The following DACH2 variants were observed in gnomAD, a reference collection of about 807,000 sequenced individuals.
DACH2 encodes the protein dachshund family transcription factor 2.
Under a neutral mutation model 35.8 loss-of-function variants are expected in DACH2, and 17 were observed. The observed-to-expected ratio is 0.48, with a 90% CI of 0.33 to 0.71. The LOEUF (loss-of-function observed/expected upper bound fraction) is 0.71. Among genes scored for constraint, DACH2 ranks in the 30% least tolerant of loss-of-function variants. The pLI is 0.02. For missense variants in DACH2, 469 were observed against 472.7 expected (o/e 0.99, Z 0.07); for synonymous variants, 195 against 177.3 (o/e 1.10, Z -0.79).
chrX:86,234,646 C>G (rs2147936323), intron 1 of DACH2, among the ~76,000 whole-genome samples: 1 of 107,166 alleles, frequency 9.3e-6, no homozygotes, highest in East Asian at 3.0e-4. Flanking sequence ...CAGAGTCTTG[C>G]TCTACCACCC....
rs139487274 is a variant in DACH2 at position 86,204,571 on chromosome X, G to A, written c.488+55463G>A. Among the ~76,000 whole-genome samples, 324 of 111,616 alleles carry A rather than the reference G, an allele frequency of 2.9e-3. 1 individual carries two copies. Among genetic ancestry groups the A allele is most frequent in the African/African-American group, 0.01 (310 of 30,787 alleles). On this transcript the variant is annotated intron_variant, in intron 1 of 11. Coordinates refer to ENST00000373125, the MANE Select transcript of DACH2 (RefSeq NM_053281.3). Reference sequence around the variant, plus strand: ...AAATAGACCTTTGTGAGCTGGCCTAGGGATATTACATTTAGAATGAGTTGC... The same window carrying A: ...AAATAGACCTTTGTGAGCTGGCCTAAGGATATTACATTTAGAATGAGTTGC...
At chrX:86,524,421 A>G (rs1319454542) in intron 3 of DACH2, among the ~76,000 whole-genome samples, 3 of 112,242 alleles carry the variant, frequency 2.7e-5, no homozygotes, top group Non-Finnish European at 5.6e-5. Context: ...TAAACAGCAT[A>G]TGGTGTTTTT....
intron 10 of DACH2, among the ~76,000 whole-genome samples, 162 bp downstream of exon 10, chrX:86,814,996 G>A (rs1231133891): frequency 8.9e-6 from 1 of 111,932 alleles, no homozygotes; most frequent in Non-Finnish European, 1.9e-5. Context: ...TCAATTTGAG[G>A]CCAAGTGTTT....
intron 3 of DACH2, among the ~76,000 whole-genome samples, chrX:86,587,904 T>C (rs1274187938): frequency 8.9e-6 from 1 of 112,133 alleles, no homozygotes; most frequent in Admixed American, 9.5e-5. Context: ...TTGTTTTTCT[T>C]GAAATTGCTT....
At chrX:86,247,016 C>A (rs766733795) in intron 1 of DACH2, among the ~76,000 whole-genome samples, 1 of 111,529 alleles carries the variant, frequency 9.0e-6, no homozygotes, top group African/African-American at 3.3e-5. Flanking sequence ...AAAATAAAAG[C>A]ATGGGTTGCT....
chrX:86,733,327 T>C (rs1052586964), intron 6 of DACH2, among the ~76,000 whole-genome samples: 3 of 111,798 alleles, frequency 2.7e-5, no homozygotes, highest in Non-Finnish European at 5.7e-5. Context: ...AACAAATGTT[T>C]CTTGTTGTTT....
chrX:86,550,980 G>C, intron 3 of DACH2, among the ~76,000 whole-genome samples: 1 of 111,843 alleles, frequency 8.9e-6, no homozygotes, highest in East Asian at 2.8e-4. Context: ...GAAATGAAAG[G>C]TTTGTTCCTC....
Position 86,467,271 on chromosome X carries a change from C to T in DACH2, c.528-47008C>T, listed in dbSNP as rs1457763647. ...TACCCTAAATAATCTCTCTCAAGTT[C>T]ACAGTTCCACAGATATCTAGGGCAG... On this transcript the variant is annotated intron_variant, in intron 2 of 11. Coordinates refer to ENST00000373125, the MANE Select transcript of DACH2 (RefSeq NM_053281.3). 3.6e-5 allele frequency among the ~76,000 whole-genome samples: 4 copies of T among 111,287 alleles called. No individual in the cohort carries two copies. In the East Asian group the frequency reaches 1.1e-3, roughly 31 times the overall value.
chrX:86,348,122 C>T (rs1057409544), intron 1 of DACH2, among the ~76,000 whole-genome samples: 1 of 111,488 alleles, frequency 9.0e-6, no homozygotes, highest in Non-Finnish European at 1.9e-5. Flanking sequence ...CTCCACCGTG[C>T]CGCATTGTTT....
chrX:86,217,342 A>G (rs1023313484), intron 1 of DACH2, among the ~76,000 whole-genome samples: 1 of 111,779 alleles, frequency 8.9e-6, no homozygotes, highest in Non-Finnish European at 1.9e-5. Flanking sequence ...GCTCCATTCT[A>G]CTTTTCTATT....
intron 1 of DACH2, among the ~76,000 whole-genome samples, chrX:86,316,249 G>A (rs2034903839): frequency 9.1e-6 from 1 of 110,276 alleles, no homozygotes; most frequent in Non-Finnish European, 1.9e-5. Flanking sequence ...GTGTGCCTGT[G>A]TCTGCTTCTA....
chrX:86,627,608 C>A (rs2040153544), intron 3 of DACH2, among the ~76,000 whole-genome samples: 1 of 111,572 alleles, frequency 9.0e-6, no homozygotes, highest in African/African-American at 3.3e-5. Flanking sequence ...AGATTATAAG[C>A]AATTAGGATT....
intron 2 of DACH2, among the ~76,000 whole-genome samples, chrX:86,392,402 A>G (rs1327957444): frequency 1.8e-5 from 2 of 112,089 alleles, no homozygotes; most frequent in Non-Finnish European, 3.8e-5. Flanking sequence ...TAAATAAAGA[A>G]AGGGTGATAT....
chrX:86,416,540 T>C (rs973281454), intron 2 of DACH2, among the ~76,000 whole-genome samples: 1 of 112,052 alleles, frequency 8.9e-6, no homozygotes, highest in African/African-American at 3.2e-5. Flanking sequence ...TAGCAAAAGA[T>C]GCAGAAATGT....
chrX:86,484,707 AT>A (rs2148238561), intron 2 of DACH2, among the ~76,000 whole-genome samples: 1 of 111,985 alleles, frequency 8.9e-6, no homozygotes, highest in South Asian at 3.7e-4. Flanking sequence ...GTAGAAAGGC[AT>A]TTGTCTTTAA....
At chrX:86,774,977 A>G (rs926331616) in intron 7 of DACH2, among the ~76,000 whole-genome samples, 8 of 111,607 alleles carry the variant, frequency 7.2e-5, no homozygotes, top group African/African-American at 2.6e-4. Context: ...TCTTCCATGT[A>G]TGCGCTGTTC....
intron 7 of DACH2, among the ~76,000 whole-genome samples, chrX:86,788,029 G>C (rs1042086567): frequency 4.5e-5 from 5 of 111,307 alleles, no homozygotes; most frequent in African/African-American, 6.5e-5. Flanking sequence ...TGCTTCCAGG[G>C]TCTGTGTCTT....
intron 2 of DACH2, among the ~76,000 whole-genome samples, chrX:86,414,234 A>C (rs1211754339): frequency 9.0e-6 from 1 of 111,086 alleles, no homozygotes; most frequent in Non-Finnish European, 1.9e-5. Context: ...TCGACCTAGA[A>C]ATTTTCTGTT....
intron 1 of DACH2, among the ~76,000 whole-genome samples, chrX:86,285,225 TG>T (rs2147989410): frequency 9.0e-6 from 1 of 111,634 alleles, no homozygotes; most frequent in East Asian, 2.8e-4. Context: ...ATTTTGGGTT[TG>T]GTTTGCTCTT....
Sources: allele counts gnomAD v4.1 joint callset (sites outside exome capture counted in the v4.1 genomes callset), GRCh38; gene constraint gnomAD v4.1.1; transcripts MANE v1.5; gene names NCBI Gene and HGNC (gene_info 2026-07-23, HGNC 2026-07-21).